Variants in ANO2 observed in about 807,000 individuals in gnomAD.
The protein encoded by ANO2 is anoctamin 2.
A neutral mutation model predicts 124.2 loss-of-function variants in ANO2; 101 were observed. That is an observed-to-expected ratio of 0.81 (90% CI 0.69 to 0.96). The LOEUF is 0.96. Ranked by LOEUF, ANO2 falls within the 40% of genes least tolerant of loss-of-function variation. The pLI is 0.00. For missense variants in ANO2, 1,293 were observed against 1,274.5 expected (o/e 1.01, Z -0.22); for synonymous variants, 486 against 482.5 (o/e 1.01, Z -0.09).
intron 6 of ANO2, among the ~76,000 whole-genome samples, 170 bp from the exon 7 acceptor site, chr12:5,827,990 C>A (rs1451992149): frequency 6.6e-6 from 1 of 152,232 alleles, no homozygotes; most frequent in Non-Finnish European, 1.5e-5. Flanking sequence ...CCCACTCAGA[C>A]TTGAGGACTT....
intron 19 of ANO2, among the ~76,000 whole-genome samples, chr12:5,611,938 T>G (rs538274728): frequency 1.3e-5 from 2 of 152,172 alleles, no homozygotes; most frequent in African/African-American, 2.4e-5. Flanking sequence ...TTCCCTAGCT[T>G]TCTGATGCTG....
intron 14 of ANO2, among the ~76,000 whole-genome samples, chr12:5,683,084 C>T (rs1480664276): frequency 6.6e-6 from 1 of 152,158 alleles, no homozygotes; most frequent in African/African-American, 2.4e-5. Flanking sequence ...AGACTGTATA[C>T]TGTGCACTCT....
At chr12:5,596,826 G>C (rs2136877683) in intron 20 of ANO2, among the ~76,000 whole-genome samples, 1 of 152,272 alleles carries the variant, frequency 6.6e-6, no homozygotes. Context: ...TTTTGTATGT[G>C]TTAGGCCCTC....
chr12:5,588,896 C>G (rs1943254567), intron 20 of ANO2, among the ~76,000 whole-genome samples: 1 of 152,146 alleles, frequency 6.6e-6, no homozygotes, highest in Admixed American at 6.5e-5. Flanking sequence ...TATACGACGC[C>G]ATGCCCTAGG....
chr12:5,654,262 C>T (rs1436519734), intron 14 of ANO2, among the ~76,000 whole-genome samples: 1 of 152,182 alleles, frequency 6.6e-6, no homozygotes. Context: ...AACACCAGAA[C>T]AGGGCCTCTG....
At chr12:5,742,545 G>A (rs1044348878) in intron 12 of ANO2, among the ~76,000 whole-genome samples, 4 of 152,078 alleles carry the variant, frequency 2.6e-5, no homozygotes, top group African/African-American at 9.7e-5. Context: ...AGCTATCAAA[G>A]GAAGAGAAGA....
intron 4 of ANO2, chr12:5,839,588 C>A (rs765902398): frequency 2.6e-5 from 12 of 456,028 alleles, no homozygotes; most frequent in Admixed American, 1.9e-4. Flanking sequence ...ATGGCACAAG[C>A]ATCTCTGGGT....
chr12:5,577,926 G>C, intron 22 of ANO2, 29 bp downstream of exon 22: 1 of 1,608,688 alleles, frequency 6.2e-7, no homozygotes, highest in Non-Finnish European at 8.5e-7. Flanking sequence ...TTCCCACAGA[G>C]CGAGTGTGTC....
At chr12:5,690,322 C>G (rs1417712769) in intron 14 of ANO2, among the ~76,000 whole-genome samples, 2 of 152,138 alleles carry the variant, frequency 1.3e-5, no homozygotes. Context: ...CTGGATTCCC[C>G]TGAAGAAACA....
chr12:5,842,338 G>T (rs1046723461), intron 4 of ANO2, among the ~76,000 whole-genome samples: 1 of 152,086 alleles, frequency 6.6e-6, no homozygotes, highest in Non-Finnish European at 1.5e-5. Context: ...CGGAGGGGTG[G>T]ATGGAAAACG....
intron 1 of ANO2, among the ~76,000 whole-genome samples, chr12:5,923,163 TACACACACACGCAC>T (rs1306673796): frequency 1.2e-4 from 2 of 16,142 alleles, no homozygotes; most frequent in African/African-American, 2.8e-4. Flanking sequence ...CACACACGCA[TACACACACACGCAC>T]ACACACATAC....
At chr12:5,922,948 C>G (rs1375395943) in intron 1 of ANO2, 144 bp from the exon 2 acceptor site, 12 of 852,318 alleles carry the variant, frequency 1.4e-5, no homozygotes, top group African/African-American at 3.5e-5. Flanking sequence ...GTCCCTAAAG[C>G]CCAGGTTCAC....
intron 8 of ANO2, 47 bp from the exon 9 acceptor site, chr12:5,806,140 A>G (rs1953185009): frequency 6.4e-7 from 1 of 1,569,056 alleles, no homozygotes; most frequent in Non-Finnish European, 8.7e-7. Context: ...AATTACCAGA[A>G]GCAGGTGCCA....
In ANO2 at chr12:5,612,278, C is replaced by G. The variant is rs1944580204; in HGVS notation, c.2087+378G>C. ...CCACATTTTCTTCGTATAGATTGTC[C>G]TAAATGATTCCATTACATTTCAATA... On this transcript the variant is annotated intron_variant, in intron 19 of 24. Coordinates refer to ENST00000682330, the MANE Select transcript of ANO2 (RefSeq NM_001364791.2). Among the ~76,000 whole-genome samples, 4 of 152,126 alleles carry G rather than the reference C, an allele frequency of 2.6e-5. No individual in the cohort carries two copies. In the South Asian group the frequency reaches 8.3e-4, roughly 31 times the overall value.
intron 14 of ANO2, among the ~76,000 whole-genome samples, chr12:5,654,109 A>G (rs549355745): frequency 6.6e-6 from 1 of 152,358 alleles, no homozygotes; most frequent in South Asian, 2.1e-4. Context: ...GAGACTTCTA[A>G]CTAGCAGATA....
At chr12:5,573,176 G>T (rs1447985743) in intron 23 of ANO2, among the ~76,000 whole-genome samples, 1 of 152,186 alleles carries the variant, frequency 6.6e-6, no homozygotes, top group Non-Finnish European at 1.5e-5. Context: ...TGGATTGAAT[G>T]AAAACTTGCC....
intron 3 of ANO2, among the ~76,000 whole-genome samples, chr12:5,910,365 G>C (rs1322728140): frequency 6.6e-6 from 1 of 152,082 alleles, no homozygotes; most frequent in Non-Finnish European, 1.5e-5. Context: ...TTTTAGTAGA[G>C]ACAGGGTTTC....
chr12:5,616,251 TG>T (rs1202824891), intron 16 of ANO2, among the ~76,000 whole-genome samples: 1 of 152,212 alleles, frequency 6.6e-6, no homozygotes, highest in Non-Finnish European at 1.5e-5. Flanking sequence ...TTTGCAAGTC[TG>T]AGATCAAGGT....
intron 10 of ANO2, among the ~76,000 whole-genome samples, chr12:5,795,286 T>C (rs1310355435): frequency 6.6e-6 from 1 of 152,206 alleles, no homozygotes; most frequent in Non-Finnish European, 1.5e-5. Context: ...GTGGAAGCTG[T>C]TCCATATCTC....
Sources: gnomAD v4.1 joint callset for allele counts (sites outside exome capture counted in the v4.1 genomes callset) on GRCh38, gnomAD v4.1.1 for gene constraint, MANE v1.5 for transcripts, NCBI Gene and HGNC (gene_info 2026-07-23, HGNC 2026-07-21) for gene names.